TNNI3K: variants seen among roughly 807,000 people sequenced by gnomAD.
TNNI3K encodes TNNI3 interacting kinase, also known as serine/threonine-protein kinase TNNI3K.
TNNI3K carries 140 observed loss-of-function variants against 114.5 expected under a neutral mutation model. The observed-to-expected ratio is 1.22, with a 90% CI of 1.07 to 1.41. TNNI3K has a LOEUF of 1.41. Ranked by LOEUF, TNNI3K falls within the 40% of genes most tolerant of loss-of-function variation. TNNI3K has a pLI of 0.00. For synonymous variants in TNNI3K, 347 were observed against 347.5 expected (o/e 1.00, Z 0.02); for missense variants, 1,125 against 1,007.6 (o/e 1.12, Z -1.58).
At position 74,329,836 on chromosome 1, in the gene TNNI3K, G is replaced by A. The variant is rs12135799; in HGVS notation, c.445-1614G>A. Reference sequence around the variant, plus strand: ...ATGTCCACAGTCCCTCCCTAGTTCTGTAGGTCTATGATTCACACAATTGAC... The same window carrying A: ...ATGTCCACAGTCCCTCCCTAGTTCTATAGGTCTATGATTCACACAATTGAC... On this transcript the variant is annotated intron_variant, in intron 5 of 24. Transcript: ENST00000326637. Among the ~76,000 whole-genome samples the A allele has an allele frequency of 1.0e-3, 154 of 152,040 alleles. 1 individual carries two copies. The highest frequency in any genetic ancestry group is 3.6e-3 in the African/African-American group (149 of 41,526).
At chr1:74,378,110 TA>T (rs1355928805) in intron 17 of TNNI3K, among the ~76,000 whole-genome samples, 2 of 152,152 alleles carry the variant, frequency 1.3e-5, no homozygotes, top group Middle Eastern at 3.4e-3. Flanking sequence ...AGTTAATTCA[TA>T]ATATACAATG....
At chr1:74,259,298 G>A (rs1300993301) in intron 4 of TNNI3K, among the ~76,000 whole-genome samples, 1 of 152,196 alleles carries the variant, frequency 6.6e-6, no homozygotes, top group East Asian at 1.9e-4. Context: ...GGAGCCTATG[G>A]TGTAAATCCT....
At chr1:74,256,397 T>C (rs1353166849) in intron 4 of TNNI3K, among the ~76,000 whole-genome samples, 1 of 151,256 alleles carries the variant, frequency 6.6e-6, no homozygotes, top group African/African-American at 2.4e-5. Flanking sequence ...GTTGAATAGG[T>C]TTTTATGTGC....
chr1:74,480,818 A>T (rs1436642267), intron 21 of TNNI3K: 2 of 717,618 alleles, frequency 2.8e-6, no homozygotes, highest in Non-Finnish European at 2.6e-6. Context: ...CAACATCGTA[A>T]GCCCATGCAG....
chr1:74,327,565 G>T, intron 5 of TNNI3K, among the ~76,000 whole-genome samples: 1 of 144,644 alleles, frequency 6.9e-6, no homozygotes, highest in East Asian at 2.0e-4. Context: ...CTCAGTAGTA[G>T]TTTTTTAATA....
At chr1:74,478,502 G>T (rs112403436) in intron 21 of TNNI3K, among the ~76,000 whole-genome samples, 42 of 151,978 alleles carry the variant, frequency 2.8e-4, no homozygotes, top group Non-Finnish European at 4.7e-4. Context: ...ACTAAAAATT[G>T]CTCTATTATA....
intron 17 of TNNI3K, among the ~76,000 whole-genome samples, chr1:74,432,067 T>C (rs186697532): frequency 7.0e-6 from 1 of 142,740 alleles, no homozygotes; most frequent in Non-Finnish European, 1.5e-5. Flanking sequence ...AGTCTGTGTA[T>C]GTGTGTGTGT....
chr1:74,518,628 T>C (rs1646382752), intron 23 of TNNI3K, among the ~76,000 whole-genome samples: 2 of 152,170 alleles, frequency 1.3e-5, no homozygotes, highest in South Asian at 4.1e-4. Context: ...GGGAGCACAC[T>C]GTCAGTGCAG....
chr1:74,440,805 C>CT (rs1322950290), intron 20 of TNNI3K, among the ~76,000 whole-genome samples: 1 of 152,110 alleles, frequency 6.6e-6, no homozygotes, highest in Non-Finnish European at 1.5e-5. Context: ...AGGTCTTGTT[C>CT]TGATCTCTTT....
Position 74,464,989 on chromosome 1 carries a change from A to T in TNNI3K, c.2121+1439A>T, listed in dbSNP as rs17095380. The T allele has an allele frequency of 0.018, 21,330 of 1,201,078 alleles. 1,441 individuals are homozygous for T. The African/African-American group carries it at 0.2, about 11-fold the overall frequency. 74.4% of individuals were successfully genotyped at this position (1,201,078 alleles called of 1,614,324 possible). On this transcript the variant is annotated intron_variant, in intron 21 of 24. Coordinates refer to ENST00000326637, the MANE Select transcript of TNNI3K (RefSeq NM_015978.3). Reference sequence around the variant, plus strand: ...GATGTCCAGAAAATTTCATCTTGAAAATTACATCACATAAAATAGTTTAGG... The same window carrying T: ...GATGTCCAGAAAATTTCATCTTGAATATTACATCACATAAAATAGTTTAGG...
At chr1:74,465,458 C>G (rs760200549) in intron 21 of TNNI3K, among the ~76,000 whole-genome samples, 7 of 152,220 alleles carry the variant, frequency 4.6e-5, no homozygotes, top group African/African-American at 1.4e-4. Context: ...CCGCCCGCAC[C>G]GTGCTCAAAT....
chr1:74,451,584 T>TCTTC (rs1173477885), intron 20 of TNNI3K, among the ~76,000 whole-genome samples: 1 of 151,162 alleles, frequency 6.6e-6, no homozygotes, highest in Non-Finnish European at 1.5e-5. Flanking sequence ...TAAAGAATTT[T>TCTTC]CTTCCTTCCT....
At chr1:74,374,316 A>C (rs969991586) in intron 17 of TNNI3K, 1 of 151,930 alleles carries the variant, frequency 6.6e-6, no homozygotes, top group Non-Finnish European at 1.5e-5. Context: ...TTTATTTATC[A>C]CCATATGAAA....
At chr1:74,454,563 G>A (rs1667154954) in intron 20 of TNNI3K, among the ~76,000 whole-genome samples, 1 of 152,126 alleles carries the variant, frequency 6.6e-6, no homozygotes, top group East Asian at 1.9e-4. Context: ...TTCTTTTTAT[G>A]TCTGAATAAT....
intron 17 of TNNI3K, among the ~76,000 whole-genome samples, chr1:74,400,458 G>T (rs1370916750): frequency 6.6e-6 from 1 of 152,212 alleles, no homozygotes; most frequent in East Asian, 1.9e-4. Flanking sequence ...CAACTGTTAT[G>T]CATGATCTCC....
At chr1:74,242,084 C>T (rs1415708884) in intron 2 of TNNI3K, among the ~76,000 whole-genome samples, 3 of 151,956 alleles carry the variant, frequency 2.0e-5, no homozygotes, top group Non-Finnish European at 2.9e-5. Context: ...CTCCTGACCT[C>T]GTGATCTGCC....
intron 17 of TNNI3K, among the ~76,000 whole-genome samples, chr1:74,414,029 C>T (rs1665007980): frequency 6.6e-6 from 1 of 152,092 alleles, no homozygotes; most frequent in South Asian, 2.1e-4. Context: ...GTTTTCACCT[C>T]ATTAAAACCT....
intron 17 of TNNI3K, among the ~76,000 whole-genome samples, chr1:74,412,479 G>A (rs2100615034): frequency 6.6e-6 from 1 of 152,312 alleles, no homozygotes; most frequent in African/African-American, 2.4e-5. Flanking sequence ...CTGGGAGTAA[G>A]GAGGAGGACG....
intron 17 of TNNI3K, among the ~76,000 whole-genome samples, chr1:74,389,025 A>T (rs955871374): frequency 1.3e-5 from 2 of 152,232 alleles, no homozygotes; most frequent in African/African-American, 2.4e-5. Flanking sequence ...ACTTTGTTGG[A>T]TGAAGAGACC....
Sources: allele counts gnomAD v4.1 joint callset (sites outside exome capture counted in the v4.1 genomes callset), GRCh38; gene constraint gnomAD v4.1.1; transcripts MANE v1.5; gene names NCBI Gene and HGNC (gene_info 2026-07-23, HGNC 2026-07-21).